Variants in STIM1 observed in about 807,000 individuals in gnomAD.
STIM1 encodes the protein stromal interaction molecule 1.
STIM1 carries 25 observed loss-of-function variants against 74.7 expected under a neutral mutation model. That is an observed-to-expected ratio of 0.33 (90% confidence interval 0.24 to 0.47). The LOEUF is 0.47. STIM1 is among the 20% of genes least tolerant of loss of function. The pLI is 1.00. For missense variants in STIM1, 728 were observed against 920.8 expected (o/e 0.79, Z 2.71); for synonymous variants, 328 against 348.8 (o/e 0.94, Z 0.66).
At chr11:3,920,088 A>C (rs1487896916) in intron 1 of STIM1, among the ~76,000 whole-genome samples, 1 of 151,054 alleles carries the variant, frequency 6.6e-6, no homozygotes, top group South Asian at 2.1e-4. Context: ...CTTAAAAAAA[A>C]AATTCACATT....
At chr11:3,950,134 AT>A (rs574446467) in intron 1 of STIM1, among the ~76,000 whole-genome samples, 266 of 132,140 alleles carry the variant, frequency 2.0e-3, no homozygotes, top group East Asian at 4.1e-3. Context: ...TAGGTCATTC[AT>A]TTTTTTTTTT....
chr11:3,951,712 T>C (rs2093150721), intron 1 of STIM1, among the ~76,000 whole-genome samples: 1 of 152,196 alleles, frequency 6.6e-6, no homozygotes, highest in African/African-American at 2.4e-5. Context: ...CCCTAGGTGT[T>C]GTCCTTTATC....
chr11:4,021,297 T>G (rs1213936006), intron 2 of STIM1, among the ~76,000 whole-genome samples: 2 of 152,136 alleles, frequency 1.3e-5, no homozygotes, highest in Non-Finnish European at 2.9e-5. Context: ...AGCTAATTTT[T>G]GTATTTTTAG....
At chr11:3,928,957 G>A (rs1208681628) in intron 1 of STIM1, among the ~76,000 whole-genome samples, 1 of 152,066 alleles carries the variant, frequency 6.6e-6, no homozygotes, top group African/African-American at 2.4e-5. Context: ...TGCAGCCTCC[G>A]CCTACTGGGT....
At chr11:4,065,362 A>G (rs1163665134) in intron 5 of STIM1, among the ~76,000 whole-genome samples, 3 of 151,998 alleles carry the variant, frequency 2.0e-5, no homozygotes, top group Non-Finnish European at 4.4e-5. Flanking sequence ...CTTTTCTGTT[A>G]TGGTCCAATT....
intron 1 of STIM1, among the ~76,000 whole-genome samples, chr11:3,880,072 A>C (rs2091445140): frequency 6.6e-6 from 1 of 152,208 alleles, no homozygotes; most frequent in African/African-American, 2.4e-5. Flanking sequence ...TGGCAATGGC[A>C]TGAGTTTGCA....
Position 3,870,568 on chromosome 11 carries a change from C to T in STIM1, c.139+14159C>T, listed in dbSNP as rs1172036768. ...CTGGAGTGCAGTGGCACCATCACAG[C>T]CCACTGCAGCCTCCACCTCCCAGGC... On this transcript the variant is annotated intron_variant, in intron 1 of 12. Coordinates refer to ENST00000526596, the MANE Select transcript of STIM1 (RefSeq NM_001382567.1). Among the ~76,000 whole-genome samples, 3 of 152,248 alleles carry T rather than the reference C, an allele frequency of 2.0e-5. No individual in the cohort carries two copies. The East Asian group carries it at 5.8e-4, about 29-fold the overall frequency.
chr11:4,088,742 A>C, intron 12 of STIM1: 1 of 1,535,806 alleles, frequency 6.5e-7, no homozygotes, highest in South Asian at 1.2e-5. Context: ...TAGTAAGGTC[A>C]GTAGCTTGGG....
chr11:3,869,391 T>C (rs2090993073), intron 1 of STIM1, among the ~76,000 whole-genome samples: 2 of 152,310 alleles, frequency 1.3e-5, no homozygotes, highest in East Asian at 1.9e-4. Context: ...CAGTGCCCTG[T>C]GATTGATACT....
chr11:3,861,811 C>T (rs551982721), intron 1 of STIM1, among the ~76,000 whole-genome samples: 12 of 152,258 alleles, frequency 7.9e-5, no homozygotes, highest in African/African-American at 1.9e-4. Flanking sequence ...ATGGGGCCTT[C>T]GTGTTAAGAA....
chr11:4,018,647 A>G (rs1327148049), intron 2 of STIM1, among the ~76,000 whole-genome samples: 3 of 143,016 alleles, frequency 2.1e-5, no homozygotes, highest in Admixed American at 7.0e-5. Context: ...CTCTGTCTCA[A>G]AAAAAAAAAA....
At chr11:4,057,680 C>G (rs2094300667) in intron 4 of STIM1, among the ~76,000 whole-genome samples, 1 of 152,064 alleles carries the variant, frequency 6.6e-6, no homozygotes, top group South Asian at 2.1e-4. Flanking sequence ...ACTATCCTGG[C>G]TAACATGGTG....
intron 1 of STIM1, among the ~76,000 whole-genome samples, chr11:3,923,283 A>G (rs1295275086): frequency 6.6e-6 from 1 of 151,968 alleles, no homozygotes; most frequent in East Asian, 1.9e-4. Flanking sequence ...CCTTCTGTGT[A>G]TAACCAATTG....
At chr11:3,887,453 G>A (rs2091750411) in intron 1 of STIM1, among the ~76,000 whole-genome samples, 1 of 152,162 alleles carries the variant, frequency 6.6e-6, no homozygotes, top group East Asian at 1.9e-4. Flanking sequence ...CATGGGTCAA[G>A]GTATGTAATA....
chr11:4,061,576 A>G (rs2094331024), intron 5 of STIM1, among the ~76,000 whole-genome samples: 1 of 152,234 alleles, frequency 6.6e-6, no homozygotes, highest in Admixed American at 6.5e-5. Flanking sequence ...ACTGTGTAAA[A>G]TAGTCTGGTG....
chr11:3,954,521 A>G (rs112058963), intron 1 of STIM1, among the ~76,000 whole-genome samples: 6 of 152,224 alleles, frequency 3.9e-5, no homozygotes, highest in South Asian at 2.1e-4. Context: ...AGAAATAATT[A>G]CTATTGTGAA....
chr11:3,905,579 G>A (rs754284886), intron 1 of STIM1, among the ~76,000 whole-genome samples: 8 of 152,106 alleles, frequency 5.3e-5, no homozygotes, highest in Non-Finnish European at 8.8e-5. Flanking sequence ...TCATTCATAA[G>A]TAATCATTGC....
chr11:4,012,314 C>G (rs909529852), intron 2 of STIM1, among the ~76,000 whole-genome samples: 1 of 152,162 alleles, frequency 6.6e-6, no homozygotes, highest in Non-Finnish European at 1.5e-5. Flanking sequence ...TTACCTTGGG[C>G]AGTGTGGCCA....
chr11:3,955,979 T>A (rs1176462094), intron 1 of STIM1, among the ~76,000 whole-genome samples: 2 of 151,066 alleles, frequency 1.3e-5, no homozygotes, highest in African/African-American at 4.9e-5. Context: ...ATAAGCAGTA[T>A]GCCCAGAGTA....
Sources: allele counts gnomAD v4.1 joint callset (sites outside exome capture counted in the v4.1 genomes callset), GRCh38; gene constraint gnomAD v4.1.1; transcripts MANE v1.5; gene names NCBI Gene and HGNC (gene_info 2026-07-23, HGNC 2026-07-21).